BMPR1B: variants seen among roughly 807,000 people sequenced by gnomAD.
BMPR1B encodes bone morphogenetic protein receptor type-1B.
A neutral mutation model predicts 59.1 loss-of-function variants in BMPR1B; 12 were observed. The observed-to-expected ratio is 0.20, with a 90% CI of 0.13 to 0.33. BMPR1B has a LOEUF of 0.33. Among genes scored for constraint, BMPR1B ranks in the 10% least tolerant of loss-of-function variants. The pLI is 1.00. For synonymous variants in BMPR1B, 237 were observed against 207.3 expected (o/e 1.14, Z -1.23); for missense variants, 550 against 610.9 (o/e 0.90, Z 1.05).
At chr4:94,987,824 G>A (rs998166427) in intron 2 of BMPR1B, among the ~76,000 whole-genome samples, 2 of 151,702 alleles carry the variant, frequency 1.3e-5, no homozygotes, top group African/African-American at 4.8e-5. Context: ...GTATCTGTAT[G>A]AATGAAAATA....
intron 1 of BMPR1B, among the ~76,000 whole-genome samples, chr4:94,767,035 T>G (rs1182376183): frequency 1.3e-5 from 2 of 152,128 alleles, no homozygotes; most frequent in African/African-American, 2.4e-5. Flanking sequence ...GTAGGTGACC[T>G]CAGGTTGCTT....
intron 1 of BMPR1B, among the ~76,000 whole-genome samples, chr4:94,849,795 T>G (rs11731143): frequency 1.9e-4 from 6 of 30,952 alleles, no homozygotes; most frequent in African/African-American, 8.8e-4. Context: ...GGTTTTTTGG[T>G]GTGTGTGTGT....
chr4:95,096,699 A>G (rs1010028155), intron 3 of BMPR1B, among the ~76,000 whole-genome samples: 7 of 145,588 alleles, frequency 4.8e-5, no homozygotes, highest in African/African-American at 1.5e-4. Context: ...ATATATAACT[A>G]TATAATTATA....
At chr4:95,128,161 C>T (rs1024913801) in intron 8 of BMPR1B, among the ~76,000 whole-genome samples, 2 of 152,110 alleles carry the variant, frequency 1.3e-5, no homozygotes, top group African/African-American at 4.8e-5. Flanking sequence ...GCTGGGATTA[C>T]AGGCATGAGC....
chr4:94,985,382 A>G (rs1045027288), intron 2 of BMPR1B, among the ~76,000 whole-genome samples: 1 of 152,192 alleles, frequency 6.6e-6, no homozygotes, highest in Admixed American at 6.5e-5. Flanking sequence ...AATATACTCA[A>G]GAATCTCGAG....
At chr4:95,098,162 C>G (rs541917095) in intron 3 of BMPR1B, among the ~76,000 whole-genome samples, 1 of 152,176 alleles carries the variant, frequency 6.6e-6, no homozygotes, top group South Asian at 2.1e-4. Flanking sequence ...TTCATTATTG[C>G]TAATCCACTG....
intron 3 of BMPR1B, among the ~76,000 whole-genome samples, chr4:95,011,991 C>T (rs754183840): frequency 9.2e-5 from 14 of 151,814 alleles, no homozygotes; most frequent in Non-Finnish European, 1.9e-4. Context: ...TGCACTCCAG[C>T]CTGGGCAACA....
chr4:95,137,317 C>T (rs1405010308), intron 10 of BMPR1B, among the ~76,000 whole-genome samples: 3 of 152,140 alleles, frequency 2.0e-5, no homozygotes, highest in Non-Finnish European at 2.9e-5. Flanking sequence ...CTGAAGAGTG[C>T]TTTACTTCCA....
chr4:94,786,898 A>G (rs896576424), intron 1 of BMPR1B, among the ~76,000 whole-genome samples: 1 of 152,002 alleles, frequency 6.6e-6, no homozygotes, highest in Non-Finnish European at 1.5e-5. Context: ...TGTGTTGCCT[A>G]GGCTGGTTTT....
chr4:94,984,578 T>A (rs1484939512), intron 2 of BMPR1B, among the ~76,000 whole-genome samples: 1 of 152,210 alleles, frequency 6.6e-6, no homozygotes, highest in Non-Finnish European at 1.5e-5. Context: ...TTTTACCTAA[T>A]AGCTAGATGA....
intron 1 of BMPR1B, among the ~76,000 whole-genome samples, chr4:94,839,536 A>G (rs1724965063): frequency 6.8e-6 from 1 of 148,114 alleles, no homozygotes; most frequent in Admixed American, 6.7e-5. Flanking sequence ...GTCTTTTTTG[A>G]TCTTTGTTGG....
In BMPR1B at chr4:95,048,990, G is replaced by A. The variant is rs113277531; in HGVS notation, c.-18+52856G>A. On this transcript the variant is annotated intron_variant, in intron 3 of 12. Transcript: ENST00000515059. ...TTGATTTTTTAAAATATTGCTAAAT[G>A]AAAGAAATAGGCATTAGCAAGAAGT... 5.6e-3 allele frequency among the ~76,000 whole-genome samples: 851 copies of A among 152,268 alleles called. 5 individuals are homozygous for A. The highest frequency in any genetic ancestry group is 8.9e-3 in the Non-Finnish European group (604 of 68,012).
intron 3 of BMPR1B, among the ~76,000 whole-genome samples, chr4:95,071,648 G>GTATATATATATATATA (rs1553933769): frequency 5.5e-4 from 58 of 104,716 alleles, no homozygotes; most frequent in African/African-American, 2.1e-3. Flanking sequence ...GTGTGTGTGT[G>GTATATATATATATATA]TGTGTATATA....
chr4:94,841,323 A>C (rs1308484723), intron 1 of BMPR1B, among the ~76,000 whole-genome samples: 1 of 148,186 alleles, frequency 6.7e-6, no homozygotes, highest in Non-Finnish European at 1.5e-5. Context: ...TTGTTTACCT[A>C]AGCAAGCCTG....
intron 1 of BMPR1B, among the ~76,000 whole-genome samples, chr4:94,810,464 A>G (rs1578669876): frequency 1.3e-5 from 2 of 152,150 alleles, no homozygotes; most frequent in Admixed American, 1.3e-4. Flanking sequence ...GCAAGGGGAG[A>G]AAGTGTAAAT....
chr4:94,921,899 C>G (rs1475850725), intron 2 of BMPR1B, among the ~76,000 whole-genome samples: 3 of 151,876 alleles, frequency 2.0e-5, no homozygotes, highest in African/African-American at 7.3e-5. Context: ...AAAGAAGATC[C>G]TAATATTTTA....
chr4:95,026,105 T>TCTTTC (rs1487410494), intron 3 of BMPR1B, among the ~76,000 whole-genome samples: 8 of 132,442 alleles, frequency 6.0e-5, no homozygotes, highest in Non-Finnish European at 7.9e-5. Context: ...TTCATTTCTT[T>TCTTTC]CTTTCTTTCT....
intron 2 of BMPR1B, among the ~76,000 whole-genome samples, chr4:94,965,596 A>T (rs976301182): frequency 6.6e-6 from 1 of 152,218 alleles, no homozygotes; most frequent in African/African-American, 2.4e-5. Flanking sequence ...ATTTTCTCCC[A>T]GTTTAACACA....
intron 1 of BMPR1B, among the ~76,000 whole-genome samples, chr4:94,760,446 ATTAT>A (rs1347850372): frequency 3.9e-5 from 6 of 152,226 alleles, no homozygotes; most frequent in African/African-American, 1.4e-4. Flanking sequence ...CTGATTTATT[ATTAT>A]TTGTTTAAAA....
Sources: gnomAD v4.1 joint callset for allele counts (sites outside exome capture counted in the v4.1 genomes callset) on GRCh38, gnomAD v4.1.1 for gene constraint, MANE v1.5 for transcripts, NCBI Gene and HGNC (gene_info 2026-07-23, HGNC 2026-07-21) for gene names.